LIN7A: variants seen among roughly 807,000 people sequenced by gnomAD.
LIN7A encodes the protein protein lin-7 homolog A.
In LIN7A, 25 loss-of-function variants were observed where a neutral mutation model predicts 29.8. The observed-to-expected ratio is 0.84, with a 90% CI of 0.61 to 1.17. The LOEUF (loss-of-function observed/expected upper bound fraction) is 1.17. Ranked by LOEUF, LIN7A falls within the 50% of genes most tolerant of loss-of-function variation. The pLI is 0.00. For synonymous variants in LIN7A, 118 were observed against 107.5 expected (o/e 1.10, Z -0.60); for missense variants, 239 against 287.0 (o/e 0.83, Z 1.21).
At chr12:80,863,777 C>T (rs1299753506) in intron 2 of LIN7A, among the ~76,000 whole-genome samples, 1 of 152,182 alleles carries the variant, frequency 6.6e-6, no homozygotes, top group African/African-American at 2.4e-5. Flanking sequence ...CTCACCCTAT[C>T]CTATACCCCA....
intron 4 of LIN7A, among the ~76,000 whole-genome samples, chr12:80,833,335 G>C (rs1479686830): frequency 1.3e-5 from 2 of 152,158 alleles, no homozygotes; most frequent in East Asian, 3.9e-4. Context: ...TGCATATCCA[G>C]TCAATCACCA....
chr12:80,841,755 C>T (rs1053406662), intron 4 of LIN7A: 2 of 302,966 alleles, frequency 6.6e-6, no homozygotes, highest in African/African-American at 4.5e-5. Flanking sequence ...TTGCCGCTGG[C>T]TCCACATTGG....
Position 80,807,074 on chromosome 12 carries a change from T to G in LIN7A, c.*4391A>C, listed in dbSNP as rs113326942. Among the ~76,000 whole-genome samples the G allele has an allele frequency of 2.6e-3, 124 of 47,008 alleles. 1 individual carries two copies. The highest frequency in any genetic ancestry group is 2.9e-3 in the Non-Finnish European group (61 of 20,968). 30.8% of individuals were successfully genotyped at this position (47,008 alleles called of 152,430 possible). Reference sequence around the variant, plus strand: ...TTAATGAAGATGGAGTTTTTTTTTTTTTTTTTTTTTTTTTTTTGACGGAGT... The same window carrying G: ...TTAATGAAGATGGAGTTTTTTTTTTGTTTTTTTTTTTTTTTTTGACGGAGT... On this transcript the variant is annotated intron_variant, in intron 5 of 5. Transcript: ENST00000552864.
chr12:80,928,147 G>C (rs1011935055), intron 1 of LIN7A, among the ~76,000 whole-genome samples: 1 of 152,108 alleles, frequency 6.6e-6, no homozygotes, highest in East Asian at 1.9e-4. Context: ...TTGCTGTTGT[G>C]AATAGTGCTG....
intron 2 of LIN7A, among the ~76,000 whole-genome samples, chr12:80,860,316 T>A (rs943670687): frequency 1.1e-4 from 16 of 152,230 alleles, no homozygotes; most frequent in African/African-American, 3.9e-4. Flanking sequence ...TAAAGCTTAG[T>A]ATTTCAGAAA....
intron 1 of LIN7A, chr12:80,936,979 C>T (rs1878264386): frequency 6.6e-6 from 1 of 152,182 alleles, no homozygotes; most frequent in Non-Finnish European, 1.5e-5. Context: ...ACCCTCGCCG[C>T]TTTCGATCTC....
At chr12:80,916,782 C>A (rs1461963478) in intron 1 of LIN7A, among the ~76,000 whole-genome samples, 8 of 151,224 alleles carry the variant, frequency 5.3e-5, no homozygotes, top group Non-Finnish European at 1.0e-4. Flanking sequence ...AAACTGAGTG[C>A]CAAGAAGACA....
intron 2 of LIN7A, among the ~76,000 whole-genome samples, chr12:80,884,850 G>A (rs1490986989): frequency 2.0e-5 from 3 of 152,096 alleles, no homozygotes; most frequent in Admixed American, 6.5e-5. Flanking sequence ...CTTCAAACCT[G>A]CAAATAGCAG....
At chr12:80,803,441 A>C (rs1400284927) in intron 5 of LIN7A, among the ~76,000 whole-genome samples, 2 of 152,178 alleles carry the variant, frequency 1.3e-5, no homozygotes, top group Non-Finnish European at 1.5e-5. Flanking sequence ...AACTGTAAAT[A>C]TGTGGATTTA....
chr12:80,926,877 G>A (rs1473419701), intron 1 of LIN7A, among the ~76,000 whole-genome samples: 1 of 135,852 alleles, frequency 7.4e-6, no homozygotes, highest in Admixed American at 8.1e-5. Flanking sequence ...ACAGTAAGCC[G>A]AGATCGCACC....
intron 5 of LIN7A, among the ~76,000 whole-genome samples, 196 bp from the exon 6 acceptor site, chr12:80,797,922 T>C (rs972967398): frequency 2.6e-5 from 4 of 152,202 alleles, no homozygotes; most frequent in Non-Finnish European, 4.4e-5. Context: ...CAAATGAGGA[T>C]GGAAAAGCCA....
intron 2 of LIN7A, among the ~76,000 whole-genome samples, chr12:80,873,728 T>C (rs963562592): frequency 1.3e-5 from 2 of 152,130 alleles, no homozygotes; most frequent in African/African-American, 4.8e-5. Flanking sequence ...AGTAGCAAGA[T>C]TGAAAAGAGG....
chr12:80,841,550 T>A (rs1272931439), intron 4 of LIN7A: 1 of 152,180 alleles, frequency 6.6e-6, no homozygotes, highest in Non-Finnish European at 1.5e-5. Flanking sequence ...CCTCTTGAAA[T>A]CAACATTAAA....
chr12:80,885,723 A>G (rs1363042373), intron 2 of LIN7A, among the ~76,000 whole-genome samples: 2 of 152,102 alleles, frequency 1.3e-5, no homozygotes, highest in African/African-American at 2.4e-5. Context: ...CTTACAGGTT[A>G]TAGAAAAAAA....
chr12:80,923,191 C>A (rs369723504), intron 1 of LIN7A, among the ~76,000 whole-genome samples: 7 of 152,190 alleles, frequency 4.6e-5, no homozygotes, highest in Admixed American at 3.9e-4. Context: ...TGTCCTTGGA[C>A]GTCAGAACTG....
intron 4 of LIN7A, chr12:80,841,828 T>G: frequency 1.1e-6 from 1 of 933,006 alleles, no homozygotes; most frequent in Non-Finnish European, 1.3e-6. Flanking sequence ...CACTTGAGCA[T>G]AAAAGGGTGA....
intron 4 of LIN7A, chr12:80,832,756 G>A (rs1872429387): frequency 2.5e-6 from 1 of 395,776 alleles, no homozygotes; most frequent in Non-Finnish European, 4.9e-6. Context: ...AGTGTACAAT[G>A]TGTGCATTTT....
intron 2 of LIN7A, among the ~76,000 whole-genome samples, chr12:80,870,808 T>C (rs957609174): frequency 5.8e-4 from 88 of 152,226 alleles, no homozygotes; most frequent in Non-Finnish European, 8.5e-4. Flanking sequence ...TGAAAGTTAA[T>C]ATTTCTTTGC....
intron 5 of LIN7A, among the ~76,000 whole-genome samples, chr12:80,807,063 G>GTTTTTTTTTTGTTTTTTTTTTTTTGT (rs1871029199): frequency 5.6e-5 from 3 of 53,592 alleles, no homozygotes; most frequent in African/African-American, 8.7e-5. Flanking sequence ...TGAAGATGGA[G>GTTTTTTTTTTGTTTTTTTTTTTTTGT]TTTTTTTTTT....
Sources: allele counts gnomAD v4.1 joint callset (sites outside exome capture counted in the v4.1 genomes callset), GRCh38; gene constraint gnomAD v4.1.1; transcripts MANE v1.5; gene names NCBI Gene and HGNC (gene_info 2026-07-23, HGNC 2026-07-21).